Variants in STK33 observed in about 807,000 individuals in gnomAD.
STK33 encodes serine/threonine kinase 33.
Under a neutral mutation model 58.0 loss-of-function variants are expected in STK33, and 52 were observed. That is an observed-to-expected ratio of 0.90 (90% CI 0.72 to 1.13). The LOEUF (loss-of-function observed/expected upper bound fraction) is 1.13. STK33 is among the 50% of genes most tolerant of loss of function. The pLI is 0.00. For missense variants in STK33, 630 were observed against 604.2 expected (o/e 1.04, Z -0.45); for synonymous variants, 215 against 200.1 (o/e 1.07, Z -0.63).
intron 14 of STK33, among the ~76,000 whole-genome samples, chr11:8,418,293 C>T (rs774672749): frequency 6.6e-6 from 1 of 152,004 alleles, no homozygotes; most frequent in Non-Finnish European, 1.5e-5. Flanking sequence ...TCTTTGTGTC[C>T]ATGAGTTTTC....
At chr11:8,388,141 A>G (rs556677946), downstream of STK33, among the ~76,000 whole-genome samples, 58 of 151,746 alleles carry the variant, frequency 3.8e-4, no homozygotes, top group African/African-American at 1.4e-3. Flanking sequence ...GGATCTGGCT[A>G]AGGTACCTGG....
intron 1 of STK33, among the ~76,000 whole-genome samples, chr11:8,504,997 C>T (rs1326197284): frequency 6.6e-6 from 1 of 152,154 alleles, no homozygotes; most frequent in East Asian, 1.9e-4. Context: ...TTCCCAACTC[C>T]ACAGCAGTGA....
intron 1 of STK33, among the ~76,000 whole-genome samples, chr11:8,553,822 T>G (rs141362137): frequency 1.2e-4 from 18 of 152,206 alleles, no homozygotes; most frequent in African/African-American, 4.1e-4. Flanking sequence ...ATTAAAGACT[T>G]AAATATAAGA....
At chr11:8,379,672 T>A in the STK33 span, among the ~76,000 whole-genome samples, 1 of 152,194 alleles carries the variant, frequency 6.6e-6, no homozygotes, top group African/African-American at 2.4e-5. Context: ...GTTTGTGATA[T>A]AGGTAAACTT....
the STK33 span, among the ~76,000 whole-genome samples, chr11:8,360,334 G>A: frequency 3.3e-5 from 5 of 152,164 alleles, no homozygotes; most frequent in East Asian, 3.9e-4. Flanking sequence ...CACAGCTCCC[G>A]GGCCTGCACT....
intron 6 of STK33, among the ~76,000 whole-genome samples, chr11:8,469,645 A>C (rs1948582269): frequency 2.0e-5 from 3 of 152,222 alleles, no homozygotes; most frequent in Admixed American, 1.3e-4. Flanking sequence ...ATCTGCCCAG[A>C]TCCATCAGAG....
chr11:8,375,813 G>C, the STK33 span, among the ~76,000 whole-genome samples: 1 of 152,124 alleles, frequency 6.6e-6, no homozygotes, highest in Non-Finnish European at 1.5e-5. Context: ...TGCCACGATT[G>C]TAAGTTTCCT....
At chr11:8,550,943 T>C (rs1956258363) in intron 1 of STK33, among the ~76,000 whole-genome samples, 1 of 152,116 alleles carries the variant, frequency 6.6e-6, no homozygotes, top group South Asian at 2.1e-4. Context: ...ATTTACAGTG[T>C]AAGTGTTCAC....
rs192550419 is a variant in STK33 at position 8,525,935 on chromosome 11, A to G, written c.-465-45321T>C. ...CACAAAAGAGGATACCCAAATGCCA[A>G]TAAACATAATAAAAAGTGCTAATCT... is the stretch of plus-strand genomic sequence containing the variant. On this transcript the variant is annotated intron_variant, in intron 1 of 15. Coordinates refer to ENST00000687296, the MANE Select transcript of STK33 (RefSeq NM_001352389.2). Among the ~76,000 whole-genome samples, 107 of 152,356 alleles carry G rather than the reference A, an allele frequency of 7.0e-4. 1 individual carries two copies. The highest frequency in any genetic ancestry group is 2.2e-3 in the African/African-American group (90 of 41,592).
chr11:8,452,294 A>G (rs1408164378), intron 11 of STK33, among the ~76,000 whole-genome samples: 2 of 152,210 alleles, frequency 1.3e-5, no homozygotes, highest in African/African-American at 4.8e-5. Context: ...TACCTAAGAG[A>G]TATAAACAAC....
intron 11 of STK33, among the ~76,000 whole-genome samples, chr11:8,449,281 G>C (rs1945947048): frequency 6.6e-6 from 1 of 151,536 alleles, no homozygotes; most frequent in South Asian, 2.1e-4. Context: ...TCCCATTACT[G>C]GGTATATACT....
the STK33 span, among the ~76,000 whole-genome samples, chr11:8,383,444 A>T: frequency 1.6e-4 from 24 of 152,194 alleles, no homozygotes; most frequent in African/African-American, 5.8e-4. Flanking sequence ...GTGTCATCAG[A>T]GGTGGGAGCT....
At chr11:8,458,747 A>C (rs1434946433) in intron 8 of STK33, among the ~76,000 whole-genome samples, 1 of 152,200 alleles carries the variant, frequency 6.6e-6, no homozygotes, top group East Asian at 1.9e-4. Context: ...TTTTTCATAC[A>C]TATTTCTATT....
intron 14 of STK33, among the ~76,000 whole-genome samples, chr11:8,422,991 C>T (rs1942156446): frequency 6.7e-6 from 1 of 149,996 alleles, no homozygotes; most frequent in African/African-American, 2.4e-5. Context: ...CGGGCATGGG[C>T]CACCATGCCC....
At chr11:8,463,271 T>C (rs1374995083) in intron 7 of STK33, among the ~76,000 whole-genome samples, 1 of 152,230 alleles carries the variant, frequency 6.6e-6, no homozygotes, top group Non-Finnish European at 1.5e-5. Flanking sequence ...AGAGTGAAAC[T>C]GTTCTACCTC....
In STK33 at chr11:8,413,522, G is replaced by A. The variant is rs149155880; in HGVS notation, c.1317C>T (p.Tyr439=). Residue 439 remains tyrosine (Y), a synonymous_variant, in exon 15 of 16, where the codon TAC becomes TAT. Transcript: ENST00000687296. ...QPWGNVPDAN[Y]TSDEEEEKQS... ...GTTTTTCCTCCTCTTCATCTGAAGT[G>A]TAATTGGCATCAGGGACATTTCCCC... 4 of 1,613,792 alleles carry A rather than the reference G, an allele frequency of 2.5e-6. No individual in the cohort carries two copies. The highest frequency in any genetic ancestry group is 2.7e-5 in the African/African-American group (2 of 74,910).
intron 11 of STK33, among the ~76,000 whole-genome samples, chr11:8,447,878 C>T (rs188686115): frequency 6.0e-4 from 91 of 152,284 alleles, no homozygotes; most frequent in Non-Finnish European, 9.8e-4. Context: ...GATTGTATAT[C>T]TAGAAAACCC....
At chr11:8,432,306 A>C (rs906584495) in intron 14 of STK33, among the ~76,000 whole-genome samples, 1 of 152,192 alleles carries the variant, frequency 6.6e-6, no homozygotes, top group African/African-American at 2.4e-5. Flanking sequence ...TTGAAGGAAT[A>C]CCAAGGCAAT....
chr11:8,486,837 G>C (rs1950226244), intron 1 of STK33, among the ~76,000 whole-genome samples: 1 of 152,194 alleles, frequency 6.6e-6, no homozygotes, highest in Admixed American at 6.5e-5. Context: ...GGGAAAAGTA[G>C]ACAAATTCTA....
Sources: allele counts gnomAD v4.1 joint callset (sites outside exome capture counted in the v4.1 genomes callset), GRCh38; gene constraint gnomAD v4.1.1; transcripts MANE v1.5; gene names NCBI Gene and HGNC (gene_info 2026-07-23, HGNC 2026-07-21).